Variants in SMARCA2 observed in about 807,000 individuals in gnomAD.
SMARCA2 encodes the protein SWI/SNF-related matrix-associated actin-dependent regulator of chromatin subfamily A member 2.
In SMARCA2, 61 loss-of-function variants were observed where a neutral mutation model predicts 199.8. That is an observed-to-expected ratio of 0.31 (90% CI 0.25 to 0.38). SMARCA2 has a LOEUF of 0.38. Among genes scored for constraint, SMARCA2 ranks in the 10% least tolerant of loss-of-function variants. The pLI is 1.00. For synonymous variants in SMARCA2, 935 were observed against 732.0 expected (o/e 1.28, Z -4.48); for missense variants, 1,344 against 2,012.2 (o/e 0.67, Z 6.35).
intron 10 of SMARCA2, among the ~76,000 whole-genome samples, chr9:2,070,674 A>G (rs1029800443): frequency 2.0e-4 from 30 of 152,236 alleles, no homozygotes; most frequent in Non-Finnish European, 4.3e-4. Context: ...TCAGACTGTC[A>G]ATCAACTGAT....
intron 12 of SMARCA2, chr9:2,075,463 T>G (rs1821280909): frequency 6.6e-6 from 1 of 152,244 alleles, no homozygotes; most frequent in Non-Finnish European, 1.5e-5. Context: ...GATGTAGCAC[T>G]CGGTTGAGAA....
At chr9:2,045,587 A>G (rs947276995) in intron 4 of SMARCA2, 2 of 152,180 alleles carry the variant, frequency 1.3e-5, no homozygotes, top group African/African-American at 4.8e-5. Context: ...GCATTACATA[A>G]AGGACCTTTT....
chr9:2,047,698 C>G (rs558722426), intron 5 of SMARCA2: 2 of 367,592 alleles, frequency 5.4e-6, no homozygotes, highest in Non-Finnish European at 4.5e-6. Context: ...CCTGTGGACC[C>G]GAGAGAGTGA....
intron 2 of SMARCA2, among the ~76,000 whole-genome samples, chr9:2,031,689 T>A (rs1301526432): frequency 6.6e-6 from 1 of 152,224 alleles, no homozygotes; most frequent in Non-Finnish European, 1.5e-5. Context: ...TTGCTCGCAT[T>A]CTGTGAGTTT....
chr9:2,062,463 G>A (rs894810649), intron 9 of SMARCA2, among the ~76,000 whole-genome samples: 2 of 152,130 alleles, frequency 1.3e-5, no homozygotes, highest in Admixed American at 6.5e-5. Context: ...ATAGATTTCT[G>A]CCGTGGTGTT....
Position 2,056,905 on chromosome 9 carries a change from C to G in SMARCA2, c.1347+60C>G, listed in dbSNP as rs1820378670. 5 of 1,491,700 alleles carry G rather than the reference C, an allele frequency of 3.4e-6. No homozygotes were observed. Among genetic ancestry groups the G allele is most frequent in the Non-Finnish European group, 4.6e-6 (5 of 1,091,246 alleles). The allele number at this position is 1,491,700 out of a possible 1,614,324, so 92.4% of individuals were successfully genotyped here. On this transcript the variant is annotated intron_variant, in intron 7 of 33. Coordinates refer to ENST00000349721, the MANE Select transcript of SMARCA2 (RefSeq NM_003070.5). The surrounding 1 kb of genome is among the most constrained non-coding windows in gnomAD (Gnocchi z 4.0). Reference sequence around the variant, plus strand: ...TGGCAGAGCTGTCCAATGAATTCATCAAATGGGGTCAGAATGACTGAAAAA... The same window carrying G: ...TGGCAGAGCTGTCCAATGAATTCATGAAATGGGGTCAGAATGACTGAAAAA...
intron 3 of SMARCA2, among the ~76,000 whole-genome samples, chr9:2,034,012 T>C (rs2130209701): frequency 6.6e-6 from 1 of 152,236 alleles, no homozygotes; most frequent in South Asian, 2.1e-4. Context: ...TTTGGGAGGC[T>C]GAGACGGGCG....
chr9:2,172,780 T>C (rs1826327745), intron 29 of SMARCA2, among the ~76,000 whole-genome samples: 1 of 152,088 alleles, frequency 6.6e-6, no homozygotes, highest in Non-Finnish European at 1.5e-5. Context: ...GTGTGTGATG[T>C]CTGTCATGTG....
chr9:2,111,333 A>G (rs1204493561), intron 24 of SMARCA2, among the ~76,000 whole-genome samples: 1 of 151,962 alleles, frequency 6.6e-6, no homozygotes, highest in Non-Finnish European at 1.5e-5. Context: ...ACAAAAAAAT[A>G]CAAAAATTAG....
rs1273629710 is a variant in SMARCA2, at chr9:2,017,713, G to A, written c.-37+2309G>A. 1 of 152,032 alleles carries A rather than the reference G, an allele frequency of 6.6e-6. No homozygotes were observed. Among genetic ancestry groups the A allele is most frequent in the Non-Finnish European group, 1.5e-5 (1 of 67,974 alleles). The allele number at this position is 152,032 out of a possible 1,614,324, so 9.4% of individuals were successfully genotyped here. A position where few individuals can be genotyped will look rare whatever the true frequency, so the allele number is the denominator to read the frequency against. On this transcript the variant is annotated intron_variant, in intron 1 of 33. Transcript: ENST00000349721. This position sits in a 1 kb window ranked among gnomAD's most constrained non-coding sequence, Gnocchi z 8.8. Reference sequence around the variant, plus strand: ...GGCTGTGGCGCGGGCCTAGAGCCGCGGCTCGGAGACCGGTTCCCGTCCGCC... The same window carrying A: ...GGCTGTGGCGCGGGCCTAGAGCCGCAGCTCGGAGACCGGTTCCCGTCCGCC...
chr9:2,146,207 A>C (rs1824735529), intron 27 of SMARCA2, among the ~76,000 whole-genome samples: 1 of 152,174 alleles, frequency 6.6e-6, no homozygotes, highest in African/African-American at 2.4e-5. Flanking sequence ...ACATGGTAGA[A>C]GGGACATGGG....
At chr9:2,051,402 ACTCT>A (rs1256895796) in intron 5 of SMARCA2, among the ~76,000 whole-genome samples, 2 of 151,302 alleles carry the variant, frequency 1.3e-5, no homozygotes, top group African/African-American at 4.9e-5. Flanking sequence ...CCTCGCTCCC[ACTCT>A]CTCTCTCCAG....
chr9:2,161,994 A>T lies in SMARCA2; in HGVS notation c.4199+91A>T. ...GCAGGAGTTGTTAAGTTGTGCACTT[A>T]GGTTTTATTAAGGTTCTTTCTAGTT... On this transcript the variant is annotated intron_variant, in intron 28 of 33. Transcript: ENST00000349721. This position sits in a 1 kb window ranked among gnomAD's most constrained non-coding sequence, Gnocchi z 4.7. 1.0e-6 allele frequency: 1 copy of T among 1,004,262 alleles called. No homozygotes were observed. Among genetic ancestry groups the T allele is most frequent in the South Asian group, 1.6e-5 (1 of 60,664 alleles). The allele number at this position is 1,004,262 out of a possible 1,614,324, so 62.2% of individuals were successfully genotyped here.
intron 27 of SMARCA2, among the ~76,000 whole-genome samples, chr9:2,152,670 G>A (rs1401762878): frequency 6.6e-6 from 1 of 151,990 alleles, no homozygotes; most frequent in African/African-American, 2.4e-5. Flanking sequence ...TGGCCAACAT[G>A]GCAAAACCCC....
chr9:2,068,401 G>GCATA (rs1820938114), intron 9 of SMARCA2, among the ~76,000 whole-genome samples: 1 of 152,108 alleles, frequency 6.6e-6, no homozygotes, highest in South Asian at 2.1e-4. Context: ...TTGTGCTTTG[G>GCATA]CATACATACA....
intron 5 of SMARCA2, among the ~76,000 whole-genome samples, chr9:2,050,191 G>C (rs1586648336): frequency 6.6e-6 from 1 of 152,146 alleles, no homozygotes; most frequent in South Asian, 2.1e-4. Context: ...CTTTGCTGCA[G>C]CTCTGTACAA....
At chr9:2,111,387 C>T (rs1822990333) in intron 24 of SMARCA2, among the ~76,000 whole-genome samples, 1 of 150,238 alleles carries the variant, frequency 6.7e-6, no homozygotes, top group African/African-American at 2.5e-5. Context: ...AGTTCCTCAG[C>T]AGGCTGAGGT....
In SMARCA2 at chr9:2,096,773, C is replaced by T. The variant is rs540593827; in HGVS notation, c.2991+9C>T. 36 of 1,548,300 alleles carry T rather than the reference C, an allele frequency of 2.3e-5. No homozygotes were observed. The highest frequency in any genetic ancestry group is 2.1e-4 in the South Asian group (19 of 89,780). On this transcript the variant is annotated intron_variant, in intron 20 of 33. Transcript: ENST00000349721. ...CTGAGAAAGATAAGAAGGTACGTTG[C>T]GAAAGATGATGCAACTCAAGGTGCT... is the stretch of plus-strand genomic sequence containing the variant.
At chr9:2,138,790 C>G (rs956562734) in intron 27 of SMARCA2, among the ~76,000 whole-genome samples, 2 of 152,164 alleles carry the variant, frequency 1.3e-5, no homozygotes, top group African/African-American at 4.8e-5. Context: ...CCTGCTCTGT[C>G]ATTCTCCAGC....
Sources: gnomAD v4.1 joint callset for allele counts (sites outside exome capture counted in the v4.1 genomes callset) on GRCh38, gnomAD v4.1.1 for gene constraint, Gnocchi (gnomAD v3.1) non-coding constraint, MANE v1.5 for transcripts, NCBI Gene and HGNC (gene_info 2026-07-23, HGNC 2026-07-21) for gene names.